Variants in MSRB3 observed in about 807,000 individuals in gnomAD.
MSRB3 encodes the protein methionine-R-sulfoxide reductase B3.
A neutral mutation model predicts 21.0 loss-of-function variants in MSRB3; 13 were observed. That is an observed-to-expected ratio of 0.62 (90% confidence interval 0.40 to 0.98). The LOEUF (loss-of-function observed/expected upper bound fraction) is 0.98. MSRB3 is among the 50% of genes least tolerant of loss of function. MSRB3 has a pLI of 0.00. For synonymous variants in MSRB3, 87 were observed against 88.6 expected (o/e 0.98, Z 0.10); for missense variants, 199 against 230.3 (o/e 0.86, Z 0.88).
Position 65,391,232 on chromosome 12 carries a change from C to T in MSRB3, c.292+22206C>T, listed in dbSNP as rs576495854. On this transcript the variant is annotated intron_variant, in intron 5 of 6. Transcript: ENST00000308259. ...GAGAACCAACCTGAAACAAGGGAAC[C>T]AATCATCTCAAGCTAAGAGGAGGTA... Among the ~76,000 whole-genome samples the T allele has an allele frequency of 2.0e-5, 3 of 152,246 alleles. No individual in the cohort carries two copies. In the East Asian group the frequency reaches 5.8e-4, roughly 29 times the overall value.
At chr12:65,424,587 G>A (rs1881480412) in intron 5 of MSRB3, among the ~76,000 whole-genome samples, 1 of 151,948 alleles carries the variant, frequency 6.6e-6, no homozygotes, top group Non-Finnish European at 1.5e-5. Flanking sequence ...TTAAGAGCAT[G>A]TGTTTAACTT....
intron 1 of MSRB3, among the ~76,000 whole-genome samples, chr12:65,283,433 A>ATT (rs202103470): frequency 4.3e-4 from 62 of 144,438 alleles, no homozygotes; most frequent in African/African-American, 1.5e-3. Flanking sequence ...ATCACCTAGA[A>ATT]TTTTTTTTTT....
chr12:65,343,227 C>T (rs1251299100), intron 4 of MSRB3, among the ~76,000 whole-genome samples: 1 of 152,136 alleles, frequency 6.6e-6, no homozygotes. Context: ...CATCTACTCA[C>T]ATTCGTGGTA....
chr12:65,361,620 T>C (rs1056471656), intron 4 of MSRB3, among the ~76,000 whole-genome samples: 3 of 152,210 alleles, frequency 2.0e-5, no homozygotes, highest in Non-Finnish European at 2.9e-5. Context: ...TGTTTTGTAA[T>C]GAATTTAGAC....
In MSRB3 at chr12:65,463,766, A is replaced by G. The variant is rs1424316927; in HGVS notation, c.*444A>G. 1.2e-5 allele frequency: 2 copies of G among 172,448 alleles called. No individual in the cohort carries two copies. Among genetic ancestry groups the G allele is most frequent in the African/African-American group, 4.8e-5 (2 of 41,570 alleles). 10.7% of individuals were successfully genotyped at this position (172,448 alleles called of 1,614,324 possible). Reference sequence around the variant, plus strand: ...TTGAGGCCTTTGCACAGACCCACCTAAGATAAGGTTGGAGTGATGTTTTAA... The same window carrying G: ...TTGAGGCCTTTGCACAGACCCACCTGAGATAAGGTTGGAGTGATGTTTTAA... On this transcript the variant is annotated 3_prime_UTR_variant, in exon 7 of 7. Transcript: ENST00000308259.
intron 2 of MSRB3, 90 bp from the exon 3 acceptor site, chr12:65,326,736 T>G: frequency 1.1e-6 from 1 of 927,064 alleles, no homozygotes; most frequent in Non-Finnish European, 1.7e-6. Context: ...GACAAGTGAC[T>G]GCAGAAGCTG....
At chr12:65,457,806 C>T (rs1883158710) in intron 6 of MSRB3, among the ~76,000 whole-genome samples, 1 of 151,286 alleles carries the variant, frequency 6.6e-6, no homozygotes, top group Non-Finnish European at 1.5e-5. Context: ...ACAGACACTT[C>T]TCAAAAGAAG....
intron 2 of MSRB3, among the ~76,000 whole-genome samples, chr12:65,320,261 T>C (rs1439245356): frequency 6.6e-6 from 1 of 152,224 alleles, no homozygotes; most frequent in Admixed American, 6.5e-5. Flanking sequence ...AATTATCTTT[T>C]TTCTGAGTCC....
chr12:65,364,899 T>C (rs1477651755), intron 4 of MSRB3, among the ~76,000 whole-genome samples: 1 of 152,234 alleles, frequency 6.6e-6, no homozygotes, highest in Non-Finnish European at 1.5e-5. Flanking sequence ...AGCTGTATTC[T>C]TTTGAGTGTT....
At chr12:65,328,111 TC>T (rs1440832190) in intron 3 of MSRB3, among the ~76,000 whole-genome samples, 3 of 152,290 alleles carry the variant, frequency 2.0e-5, no homozygotes, top group Middle Eastern at 3.4e-3. Context: ...GCTGCAATAT[TC>T]CTTTTCAAAC....
At chr12:65,328,266 A>G (rs1008077425) in intron 3 of MSRB3, among the ~76,000 whole-genome samples, 12 of 152,064 alleles carry the variant, frequency 7.9e-5, no homozygotes, top group African/African-American at 2.7e-4. Flanking sequence ...TAATAGAAAA[A>G]AATCTTTTTC....
chr12:65,370,846 A>G (rs1332016709), intron 5 of MSRB3, among the ~76,000 whole-genome samples: 2 of 152,354 alleles, frequency 1.3e-5, no homozygotes, highest in East Asian at 3.9e-4. Context: ...ATACTGATTA[A>G]AAGTTTATTT....
intron 4 of MSRB3, among the ~76,000 whole-genome samples, chr12:65,368,221 G>A (rs1476424093): frequency 6.6e-6 from 1 of 152,144 alleles, no homozygotes; most frequent in Non-Finnish European, 1.5e-5. Flanking sequence ...CCGCTGGTTG[G>A]TTCTTGTATC....
At chr12:65,431,570 A>G (rs917188261) in intron 5 of MSRB3, among the ~76,000 whole-genome samples, 3 of 152,062 alleles carry the variant, frequency 2.0e-5, no homozygotes, top group African/African-American at 7.2e-5. Context: ...ATGTCTTCAG[A>G]TATCCTTTTA....
rs146758687 is a variant in MSRB3 at position 65,445,759 on chromosome 12, C to T, written c.293-7969C>T. On this transcript the variant is annotated intron_variant, in intron 5 of 6. Transcript: ENST00000308259. ...CTCCAAGGTTCAAGCGATTCTCCCA[C>T]CTCAGCCTCCAGGGTAGCTGGGACT... Among the ~76,000 whole-genome samples the T allele has an allele frequency of 2.9e-3, 446 of 151,718 alleles. 5 individuals are homozygous for T. The highest frequency in any genetic ancestry group is 4.1e-3 in the Non-Finnish European group (280 of 67,948).
chr12:65,407,176 T>A (rs914029798), intron 5 of MSRB3, among the ~76,000 whole-genome samples: 3 of 152,184 alleles, frequency 2.0e-5, no homozygotes, highest in Non-Finnish European at 4.4e-5. Flanking sequence ...CTATTGACTT[T>A]TGACATAGAT....
At chr12:65,351,252 C>T (rs1365490456) in intron 4 of MSRB3, among the ~76,000 whole-genome samples, 1 of 150,930 alleles carries the variant, frequency 6.6e-6, no homozygotes, top group Non-Finnish European at 1.5e-5. Flanking sequence ...TAAAGATGTT[C>T]TTTGAAACCA....
chr12:65,419,867 G>A (rs759348786), intron 5 of MSRB3: 40 of 678,894 alleles, frequency 5.9e-5, no homozygotes, highest in Non-Finnish European at 9.6e-5. Context: ...GGAAGCTGGT[G>A]GAGCAGGACA....
At position 65,352,726 on chromosome 12, in the gene MSRB3, A is replaced by T. The variant is rs570203232; in HGVS notation, c.264-16272A>T. On this transcript the variant is annotated intron_variant, in intron 4 of 6. Transcript: ENST00000308259. ...ACTCCCATTCACAATTGCTTCAAAG[A>T]GAATAAAATACCTAGGAATCCAACT... 8.0e-3 allele frequency among the ~76,000 whole-genome samples: 1,215 copies of T among 151,432 alleles called. 16 individuals are homozygous for T. The highest frequency in any genetic ancestry group is 0.028 in the African/African-American group (1,174 of 41,278).
Sources: gnomAD v4.1 joint callset for allele counts (sites outside exome capture counted in the v4.1 genomes callset) on GRCh38, gnomAD v4.1.1 for gene constraint, MANE v1.5 for transcripts, NCBI Gene and HGNC (gene_info 2026-07-23, HGNC 2026-07-21) for gene names.